The following NAV3 variants were observed in gnomAD, a reference collection of about 807,000 sequenced individuals.
NAV3 encodes neuron navigator 3.
NAV3 carries 87 observed loss-of-function variants against 244.7 expected under a neutral mutation model. The ratio of observed to expected loss-of-function variants is 0.36; its 90% confidence interval spans 0.30 to 0.42. The LOEUF (loss-of-function observed/expected upper bound fraction) is 0.42, where lower values mean the gene tolerates loss of function less well. Ranked by LOEUF, NAV3 falls within the 20% of genes least tolerant of loss-of-function variation. NAV3 has a pLI of 1.00. For synonymous variants in NAV3, 1,126 were observed against 1,042.2 expected, an observed-to-expected ratio of 1.08 and a Z score of -1.55; for missense variants, 2,663 against 2,893.3, an observed-to-expected ratio of 0.92 and a Z score of 1.83.
intron 1 of NAV3, among the ~76,000 whole-genome samples, chr12:77,864,689 T>C (rs187008907): frequency 7.1e-4 from 108 of 152,092 alleles, no homozygotes; most frequent in Middle Eastern, 3.4e-3. Flanking sequence ...CTACCATGCA[T>C]CATATTGCCC....
At chr12:78,146,048 A>C (rs1018979269) in intron 20 of NAV3, among the ~76,000 whole-genome samples, 12 of 152,032 alleles carry the variant, frequency 7.9e-5, no homozygotes, top group African/African-American at 2.9e-4. Context: ...TTTAGAGTAT[A>C]ATTTTATAAC....
At chr12:77,682,821 T>C (rs1874532048) in intron 2 of NAV3, among the ~76,000 whole-genome samples, 1 of 152,222 alleles carries the variant, frequency 6.6e-6, no homozygotes, top group Non-Finnish European at 1.5e-5. Flanking sequence ...AACTGTGTAC[T>C]CAGGTCCTTC....
intron 8 of NAV3, among the ~76,000 whole-genome samples, chr12:78,018,430 G>C (rs1876596053): frequency 1.3e-5 from 2 of 152,244 alleles, no homozygotes; most frequent in Non-Finnish European, 2.9e-5. Context: ...TTTTAGTAGA[G>C]CAAAAACTAT....
In NAV3 at chr12:78,119,109, G is replaced by T. The variant is rs530705554; in HGVS notation, c.3041-128G>T. The T allele has an allele frequency of 2.7e-5, 28 of 1,038,542 alleles. No individual in the cohort carries two copies. In the African/African-American group the frequency reaches 4.5e-4, roughly 17 times the overall value. 64.3% of individuals were successfully genotyped at this position (1,038,542 alleles called of 1,614,324 possible). ...AGTCCTCTCAATATATGAGATTTTT[G>T]ATCTAAGACAATACATTTAGGAAGG... On this transcript the variant is annotated intron_variant, in intron 14 of 39. Transcript: ENST00000397909.
chr12:77,712,156 C>T (rs2137255146), intron 2 of NAV3, among the ~76,000 whole-genome samples: 1 of 152,198 alleles, frequency 6.6e-6, no homozygotes, highest in East Asian at 1.9e-4. Context: ...TTGGTCCACT[C>T]CTTAAGCCAC....
intron 22 of NAV3, among the ~76,000 whole-genome samples, chr12:78,153,528 C>A (rs1002751245): frequency 6.6e-6 from 1 of 152,066 alleles, no homozygotes; most frequent in Non-Finnish European, 1.5e-5. Flanking sequence ...AAACAATAAG[C>A]CAGATAGCCT....
intron 2 of NAV3, among the ~76,000 whole-genome samples, chr12:77,808,842 G>T (rs1020083832): frequency 6.6e-6 from 1 of 152,196 alleles, no homozygotes; most frequent in Non-Finnish European, 1.5e-5. Flanking sequence ...TCCTGACTGG[G>T]GCTGCTGCCT....
At chr12:78,175,524 A>C in intron 25 of NAV3, 97 bp downstream of exon 25, 1 of 1,472,842 alleles carries the variant, frequency 6.8e-7, no homozygotes, top group Non-Finnish European at 9.2e-7. Flanking sequence ...TAGTTTACAA[A>C]GGGTCCCATT....
At chr12:77,728,327 A>C (rs1376155608) in intron 2 of NAV3, among the ~76,000 whole-genome samples, 1 of 152,026 alleles carries the variant, frequency 6.6e-6, no homozygotes, top group Non-Finnish European at 1.5e-5. Flanking sequence ...TTAAAACAGC[A>C]AATGGCATGG....
In NAV3 at chr12:77,720,263, A is replaced by G. The variant is rs1394186244; in HGVS notation, c.72+147997A>G. On this transcript the variant is annotated intron_variant, in intron 2 of 8. Coordinates refer to the NAV3 transcript ENST00000550042. Reference sequence around the variant, plus strand: ...TTCTTTATGTGCCTTGTAACTTTCTATTACGATCTACACATTTGAAAAAAC... The same window carrying G: ...TTCTTTATGTGCCTTGTAACTTTCTGTTACGATCTACACATTTGAAAAAAC... 4.0e-5 allele frequency among the ~76,000 whole-genome samples: 6 copies of G among 150,530 alleles called. No individual in the cohort carries two copies. In the South Asian group the frequency reaches 1.3e-3, roughly 32 times the overall value.
At chr12:78,092,725 C>T (rs1008478956) in intron 12 of NAV3, among the ~76,000 whole-genome samples, 1 of 152,060 alleles carries the variant, frequency 6.6e-6, no homozygotes, top group Non-Finnish European at 1.5e-5. Flanking sequence ...TGGTCTCGAT[C>T]TCCTGACCTT....
At chr12:77,803,228 T>C (rs895511558) in intron 2 of NAV3, among the ~76,000 whole-genome samples, 11 of 152,140 alleles carry the variant, frequency 7.2e-5, no homozygotes, top group Admixed American at 2.0e-4. Flanking sequence ...CCTACACCCA[T>C]CAACCCATCA....
At chr12:77,750,867 CAA>C in intron 2 of NAV3, among the ~76,000 whole-genome samples, 1 of 152,256 alleles carries the variant, frequency 6.6e-6, no homozygotes, top group East Asian at 1.9e-4. Flanking sequence ...AATCAATTTT[CAA>C]AGTTTTTAGG....
At chr12:77,916,395 C>CCCTTT (rs1198696869) in intron 1 of NAV3, among the ~76,000 whole-genome samples, 2 of 151,804 alleles carry the variant, frequency 1.3e-5, no homozygotes, top group Non-Finnish European at 2.9e-5. Context: ...GTAGTCCATA[C>CCCTTT]CCTTCAACTA....
chr12:78,118,416 A>G, intron 14 of NAV3, 119 bp downstream of exon 14: 4 of 1,290,592 alleles, frequency 3.1e-6, no homozygotes, highest in South Asian at 1.6e-5. Flanking sequence ...CATATTAAAC[A>G]TGGAGTCAAA....
At chr12:78,166,163 C>CT (rs901191224) in intron 23 of NAV3, among the ~76,000 whole-genome samples, 2 of 151,718 alleles carry the variant, frequency 1.3e-5, no homozygotes, top group African/African-American at 2.4e-5. Context: ...CACATTTTCA[C>CT]TTTTTTTCTG....
intron 13 of NAV3, among the ~76,000 whole-genome samples, chr12:78,117,158 CATATATATATATATATAT>C (rs377148138): frequency 2.6e-4 from 18 of 70,334 alleles, no homozygotes; most frequent in African/African-American, 9.1e-4. Context: ...ACAGAAGCAG[CATATATATATATATATAT>C]ATATATATAT....
chr12:77,849,103 C>G (rs115151211), intron 1 of NAV3, among the ~76,000 whole-genome samples: 1,752 of 152,172 alleles, frequency 0.012, 26 homozygotes, highest in African/African-American at 0.04. Context: ...ATCATTCAAG[C>G]TTCCCCCAAT....
chr12:78,147,320 C>T (rs1356259520), intron 21 of NAV3, among the ~76,000 whole-genome samples: 1 of 151,922 alleles, frequency 6.6e-6, no homozygotes, highest in Non-Finnish European at 1.5e-5. Flanking sequence ...ACTGAAGCAT[C>T]GAAATGCTAC....
Sources: allele counts gnomAD v4.1 joint callset (sites outside exome capture counted in the v4.1 genomes callset), GRCh38; gene constraint gnomAD v4.1.1; transcripts MANE v1.5; gene names NCBI Gene and HGNC (gene_info 2026-07-23, HGNC 2026-07-21).